SNTG2: variants seen among roughly 807,000 people sequenced by gnomAD.
SNTG2 encodes gamma-2-syntrophin.
A neutral mutation model predicts 70.9 loss-of-function variants in SNTG2; 74 were observed. The ratio of observed to expected loss-of-function variants is 1.04; its 90% CI spans 0.86 to 1.27. The LOEUF is 1.27. Ranked by LOEUF, SNTG2 falls within the 50% of genes most tolerant of loss-of-function variation. The probability of loss-of-function intolerance (pLI) is 0.00; values close to 1 mark genes in which losing one functional copy is unlikely to be tolerated. For missense variants in SNTG2, 717 were observed against 690.7 expected (o/e 1.04, Z -0.43); for synonymous variants, 278 against 273.8 (o/e 1.02, Z -0.15).
intron 1 of SNTG2, among the ~76,000 whole-genome samples, chr2:965,559 T>TCTTCTGTGGTCCC (rs149541165): frequency 0.039 from 5,842 of 151,146 alleles, 366 homozygotes; most frequent in African/African-American, 0.12. Flanking sequence ...CCCCTGGTCC[T>TCTTCTGTGGTCCC]CTTCTGTGGT....
intron 2 of SNTG2, among the ~76,000 whole-genome samples, chr2:1,091,453 G>C (rs931947715): frequency 4.6e-5 from 7 of 152,196 alleles, no homozygotes; most frequent in African/African-American, 1.7e-4. Context: ...CGAGGCAGGG[G>C]CTCCAGATGG....
At chr2:1,085,046 G>A (rs186123566) in intron 2 of SNTG2, among the ~76,000 whole-genome samples, 20 of 152,218 alleles carry the variant, frequency 1.3e-4, no homozygotes, top group Non-Finnish European at 2.6e-4. Flanking sequence ...GTCTTCACGG[G>A]CTCATACAAG....
At chr2:1,265,888 A>T (rs1161331403) in intron 13 of SNTG2, among the ~76,000 whole-genome samples, 1 of 152,204 alleles carries the variant, frequency 6.6e-6, no homozygotes, top group Non-Finnish European at 1.5e-5. Flanking sequence ...ACCCCAGCCC[A>T]GGTGTCTCCC....
At chr2:1,033,201 C>T (rs1660939802) in intron 1 of SNTG2, among the ~76,000 whole-genome samples, 1 of 152,172 alleles carries the variant, frequency 6.6e-6, no homozygotes, top group Non-Finnish European at 1.5e-5. Flanking sequence ...GAAACAGCAT[C>T]CCAGTTGGTA....
At chr2:1,203,668 A>C (rs1001433334) in intron 8 of SNTG2, among the ~76,000 whole-genome samples, 1,152 of 86,828 alleles carry the variant, frequency 0.013, 10 homozygotes, top group African/African-American at 0.041. Flanking sequence ...ACAAACAAAA[A>C]AAAAAATATA....
At chr2:1,192,004 G>T (rs1285462488) in intron 8 of SNTG2, among the ~76,000 whole-genome samples, 1 of 152,146 alleles carries the variant, frequency 6.6e-6, no homozygotes, top group Non-Finnish European at 1.5e-5. Context: ...AAATTGGAAA[G>T]GGGTTGCTTG....
At chr2:1,100,607 G>A (rs533843444) in intron 4 of SNTG2, among the ~76,000 whole-genome samples, 7 of 152,322 alleles carry the variant, frequency 4.6e-5, no homozygotes, top group South Asian at 4.1e-4. Context: ...CACGGGCGCC[G>A]TGGGTCCACC....
chr2:1,190,514 T>C (rs933325944), intron 8 of SNTG2, among the ~76,000 whole-genome samples: 5 of 74,208 alleles, frequency 6.7e-5, no homozygotes, highest in Non-Finnish European at 1.4e-4. Flanking sequence ...TATATATATA[T>C]ATATATATAT....
chr2:1,287,772 C>G (rs1679825938), intron 14 of SNTG2, among the ~76,000 whole-genome samples: 2 of 152,256 alleles, frequency 1.3e-5, no homozygotes, highest in Admixed American at 6.5e-5. Context: ...GCTGAAGAGT[C>G]TGCCGTCATG....
At chr2:954,105 A>G (rs1660067051) in intron 1 of SNTG2, among the ~76,000 whole-genome samples, 1 of 152,194 alleles carries the variant, frequency 6.6e-6, no homozygotes, top group African/African-American at 2.4e-5. Flanking sequence ...CAGCAGGCAC[A>G]CGAGGGACCC....
At chr2:1,035,691 A>G (rs1052823531) in intron 1 of SNTG2, among the ~76,000 whole-genome samples, 5 of 152,176 alleles carry the variant, frequency 3.3e-5, no homozygotes, top group African/African-American at 1.2e-4. Context: ...AAATCTGTTT[A>G]AACAGTTTTA....
At chr2:1,304,810 G>C (rs1359078711) in intron 14 of SNTG2, among the ~76,000 whole-genome samples, 2 of 151,062 alleles carry the variant, frequency 1.3e-5, no homozygotes, top group Non-Finnish European at 1.5e-5. Context: ...GTAATTCTGT[G>C]CTTTATATTT....
intron 1 of SNTG2, among the ~76,000 whole-genome samples, chr2:993,836 T>A (rs1453144548): frequency 1.3e-5 from 2 of 152,194 alleles, no homozygotes; most frequent in African/African-American, 4.8e-5. Context: ...TTTCCATTTT[T>A]AATTGGATTA....
chr2:1,018,751 A>G (rs185106403), intron 1 of SNTG2, among the ~76,000 whole-genome samples: 16 of 152,332 alleles, frequency 1.1e-4, no homozygotes, highest in Admixed American at 5.9e-4. Context: ...TAATAATAAT[A>G]ATAAAATAAA....
chr2:1,116,625 G>T (rs1006176973), intron 4 of SNTG2, among the ~76,000 whole-genome samples: 12 of 148,292 alleles, frequency 8.1e-5, no homozygotes, highest in Admixed American at 6.7e-5. Context: ...TGGGTGCTCT[G>T]GTGTGTGGGT....
At chr2:1,195,386 CTGT>C (rs1350218104) in intron 8 of SNTG2, among the ~76,000 whole-genome samples, 6 of 152,180 alleles carry the variant, frequency 3.9e-5, no homozygotes, top group African/African-American at 1.2e-4. Context: ...TCTCCAGCAT[CTGT>C]TGTTTCCTTT....
At chr2:1,195,185 CAT>C (rs1202690998) in intron 8 of SNTG2, among the ~76,000 whole-genome samples, 2 of 152,162 alleles carry the variant, frequency 1.3e-5, no homozygotes, top group Non-Finnish European at 1.5e-5. Flanking sequence ...CCACAATAAA[CAT>C]GTGTGTGCAT....
At chr2:1,023,732 G>A (rs1398199493) in intron 1 of SNTG2, among the ~76,000 whole-genome samples, 1 of 152,134 alleles carries the variant, frequency 6.6e-6, no homozygotes, top group African/African-American at 2.4e-5. Context: ...GCGTAGTCTG[G>A]GGACATTTAG....
intron 16 of SNTG2, among the ~76,000 whole-genome samples, chr2:1,363,983 T>TTG (rs34759100): frequency 0.72 from 109,445 of 151,724 alleles, 39,769 homozygotes; most frequent in East Asian, 0.94. Flanking sequence ...ATTTTCTTTT[T>TTG]TTTTGAGACA....
Sources: allele counts gnomAD v4.1 joint callset (sites outside exome capture counted in the v4.1 genomes callset), GRCh38; gene constraint gnomAD v4.1.1; transcripts MANE v1.5; gene names NCBI Gene and HGNC (gene_info 2026-07-23, HGNC 2026-07-21).